The following DPP10 variants were observed in gnomAD, a reference collection of about 807,000 sequenced individuals.
DPP10 encodes the protein inactive dipeptidyl peptidase 10.
In DPP10, 33 loss-of-function variants were observed where a neutral mutation model predicts 120.9. That is an observed-to-expected ratio of 0.27 (90% CI 0.21 to 0.37). The LOEUF (loss-of-function observed/expected upper bound fraction) is 0.37. DPP10 is among the 10% of genes least tolerant of loss of function. The pLI, the probability that DPP10 is intolerant of heterozygous loss-of-function variation, is 1.00. For missense variants in DPP10, 816 were observed against 942.8 expected (o/e 0.87, Z 1.76); for synonymous variants, 337 against 326.1 (o/e 1.03, Z -0.36).
At chr2:115,252,093 C>T (rs535371274) in intron 1 of DPP10, among the ~76,000 whole-genome samples, 10 of 152,306 alleles carry the variant, frequency 6.6e-5, no homozygotes, top group Admixed American at 2.0e-4. Context: ...CGGAACATAT[C>T]GCCTCATAAA....
At chr2:115,829,656 T>A (rs567010050) in intron 21 of DPP10, among the ~76,000 whole-genome samples, 2 of 152,058 alleles carry the variant, frequency 1.3e-5, no homozygotes, top group East Asian at 3.8e-4. Flanking sequence ...ACATTTCTTT[T>A]ATTTCTTTTT....
At chr2:115,593,350 G>A (rs2082790579) in intron 5 of DPP10, among the ~76,000 whole-genome samples, 1 of 152,142 alleles carries the variant, frequency 6.6e-6, no homozygotes, top group Non-Finnish European at 1.5e-5. Context: ...AGATTGCAAG[G>A]GCAACCTGAC....
intron 13 of DPP10, among the ~76,000 whole-genome samples, 197 bp downstream of exon 13, chr2:115,768,601 C>T (rs1681081873): frequency 6.6e-6 from 1 of 152,122 alleles, no homozygotes; most frequent in African/African-American, 2.4e-5. Flanking sequence ...AGTCTCAACA[C>T]TCAGTACAAT....
At chr2:114,480,640 A>T (rs1220659997) in intron 1 of DPP10, among the ~76,000 whole-genome samples, 1 of 141,976 alleles carries the variant, frequency 7.0e-6, no homozygotes, top group Non-Finnish European at 1.5e-5. Flanking sequence ...TCTCACTCAT[A>T]GGTGGGAATT....
In DPP10 at chr2:115,844,862, A is replaced by T. The variant is rs938503517; in HGVS notation, c.*2517A>T. On this transcript the variant is annotated 3_prime_UTR_variant, in exon 26 of 26. Transcript: ENST00000410059. ...TTTTGAAAGAGAAAAGTGTTTGTTC[A>T]CTTTCATTGCCTTCATTAAGATCTC... 1.3e-5 allele frequency: 2 copies of T among 152,196 alleles called. No individual in the cohort carries two copies. Among genetic ancestry groups the T allele is most frequent in the Admixed American group, 1.3e-4 (2 of 15,272 alleles). The allele number at this position is 152,196 out of a possible 1,614,324, so 9.4% of individuals were successfully genotyped here.
intron 2 of DPP10, among the ~76,000 whole-genome samples, chr2:115,316,365 G>A (rs1259823560): frequency 6.6e-6 from 1 of 151,880 alleles, no homozygotes; most frequent in East Asian, 1.9e-4. Flanking sequence ...GGATGATAGG[G>A]GCAAAAAAAT....
chr2:114,846,244 C>G (rs1299844332), intron 1 of DPP10, among the ~76,000 whole-genome samples: 1 of 152,094 alleles, frequency 6.6e-6, no homozygotes, highest in Non-Finnish European at 1.5e-5. Context: ...CAAATGCTGT[C>G]TCACCCCAAT....
At chr2:115,333,828 C>G (rs935154287) in intron 2 of DPP10, among the ~76,000 whole-genome samples, 9 of 151,996 alleles carry the variant, frequency 5.9e-5, no homozygotes, top group African/African-American at 2.2e-4. Context: ...TGTGGATAAC[C>G]CGACCTTTCT....
intron 3 of DPP10, among the ~76,000 whole-genome samples, chr2:115,351,863 TA>T (rs1480078655): frequency 2.6e-5 from 4 of 152,112 alleles, no homozygotes; most frequent in Non-Finnish European, 4.4e-5. Context: ...TCATCTGTAT[TA>T]AAACTGTTTG....
intron 3 of DPP10, among the ~76,000 whole-genome samples, chr2:115,368,703 C>A (rs1417761743): frequency 2.6e-5 from 4 of 151,826 alleles, no homozygotes; most frequent in Non-Finnish European, 4.4e-5. Flanking sequence ...AATATGTTTT[C>A]ATCAAAAGGC....
At chr2:115,652,425 G>A (rs894497194) in intron 5 of DPP10, among the ~76,000 whole-genome samples, 3 of 151,532 alleles carry the variant, frequency 2.0e-5, no homozygotes, top group African/African-American at 7.3e-5. Flanking sequence ...GTGTGTGTGT[G>A]TGTGTGTGTG....
At chr2:114,980,057 GT>G (rs2104847919) in intron 1 of DPP10, among the ~76,000 whole-genome samples, 1 of 152,086 alleles carries the variant, frequency 6.6e-6, no homozygotes, top group South Asian at 2.1e-4. Context: ...TTTTAAACAA[GT>G]AATTTTATTT....
At chr2:115,507,055 C>G (rs531747920) in intron 4 of DPP10, among the ~76,000 whole-genome samples, 33 of 151,638 alleles carry the variant, frequency 2.2e-4, no homozygotes, top group Middle Eastern at 3.4e-3. Flanking sequence ...CACACACACA[C>G]AGACACACAC....
At chr2:115,452,148 A>T (rs1385577326) in intron 3 of DPP10, among the ~76,000 whole-genome samples, 1 of 151,638 alleles carries the variant, frequency 6.6e-6, no homozygotes, top group Non-Finnish European at 1.5e-5. Context: ...CTTTAGTTTT[A>T]TTTGTTATTT....
intron 1 of DPP10, among the ~76,000 whole-genome samples, chr2:115,183,166 A>G (rs900253512): frequency 6.6e-6 from 1 of 152,228 alleles, no homozygotes; most frequent in African/African-American, 2.4e-5. Flanking sequence ...AGAAAATAAC[A>G]TAGAGGAAAA....
chr2:114,461,552 T>C, intron 1 of DPP10: 1 of 982,934 alleles, frequency 1.0e-6, no homozygotes. Context: ...CAACCTCCTT[T>C]TCTAAGACCA....
chr2:115,064,541 G>C (rs986790552), intron 1 of DPP10: 2 of 650,854 alleles, frequency 3.1e-6, no homozygotes, highest in African/African-American at 3.8e-5. Context: ...GCTGATAGGG[G>C]GTTAATTCTG....
At chr2:115,107,869 G>T (rs983964772) in intron 1 of DPP10, among the ~76,000 whole-genome samples, 3 of 152,096 alleles carry the variant, frequency 2.0e-5, no homozygotes, top group South Asian at 4.1e-4. Context: ...TTTTATAAAA[G>T]AATATATTAA....
chr2:115,159,619 AC>A (rs1489016245), intron 1 of DPP10, among the ~76,000 whole-genome samples: 1 of 152,162 alleles, frequency 6.6e-6, no homozygotes, highest in Admixed American at 6.5e-5. Context: ...AGTGCCCTTA[AC>A]CCAGATCTCA....
Sources: gnomAD v4.1 joint callset for allele counts (sites outside exome capture counted in the v4.1 genomes callset) on GRCh38, gnomAD v4.1.1 for gene constraint, MANE v1.5 for transcripts, NCBI Gene and HGNC (gene_info 2026-07-23, HGNC 2026-07-21) for gene names.